KIRREL3: variants seen among roughly 807,000 people sequenced by gnomAD.
KIRREL3 encodes the protein kirre like nephrin family adhesion molecule 3.
Under a neutral mutation model 89.7 loss-of-function variants are expected in KIRREL3, and 36 were observed. The ratio of observed to expected loss-of-function variants is 0.40; its 90% CI spans 0.31 to 0.53. The LOEUF (loss-of-function observed/expected upper bound fraction) is 0.53. Ranked by LOEUF, KIRREL3 falls within the 20% of genes least tolerant of loss-of-function variation. KIRREL3 has a pLI of 0.49. For synonymous variants in KIRREL3, 445 were observed against 441.4 expected (o/e 1.01, Z -0.10); for missense variants, 864 against 1,056.6 (o/e 0.82, Z 2.53).
At position 126,523,495 on chromosome 11, in the gene KIRREL3, C is replaced by T. The variant is rs1250646495; in HGVS notation, c.284-2031G>A. 4.6e-5 allele frequency among the ~76,000 whole-genome samples: 7 copies of T among 152,128 alleles called. No homozygotes were observed. The highest frequency in any genetic ancestry group is 8.8e-5 in the Non-Finnish European group (6 of 68,022). The stretch of plus-strand genomic sequence containing the variant: ...AGACTCATGTCTTCATGGCTACCAT[C>T]CTCATCATGCAATAAAATGGCCCTG... On this transcript the variant is annotated intron_variant, in intron 3 of 16. Transcript: ENST00000525144. The surrounding 1 kb of genome is among the most constrained non-coding windows in gnomAD (Gnocchi z 4.9).
intron 7 of KIRREL3, among the ~76,000 whole-genome samples, chr11:126,450,827 G>T (rs1229431291): frequency 6.6e-6 from 1 of 151,480 alleles, no homozygotes; most frequent in African/African-American, 2.4e-5. Flanking sequence ...GGGCATATGT[G>T]TGTATGCGTG....
intron 10 of KIRREL3, among the ~76,000 whole-genome samples, chr11:126,442,329 CACACA>C (rs1955606953): frequency 1.7e-5 from 2 of 117,436 alleles, no homozygotes; most frequent in Non-Finnish European, 1.8e-5. Context: ...CACACACACA[CACACA>C]CACACACACA....
In KIRREL3 at chr11:126,848,365, G is replaced by A. The variant is rs182882084; in HGVS notation, c.55+152090C>T. Among the ~76,000 whole-genome samples, 586 of 152,316 alleles carry A rather than the reference G, an allele frequency of 3.8e-3. 5 individuals carry two copies. Among genetic ancestry groups the A allele is most frequent in the African/African-American group, 0.013 (523 of 41,568 alleles). The stretch of plus-strand genomic sequence containing the variant: ...TTTAGTGAAAATGGAAAATTGGAGA[G>A]AGAAAAATTATGTTTCAAGAACTAT... On this transcript the variant is annotated intron_variant, in intron 1 of 16. Transcript: ENST00000525144.
At chr11:126,712,362 AGG>A (rs1326301367) in intron 1 of KIRREL3, among the ~76,000 whole-genome samples, 1 of 152,012 alleles carries the variant, frequency 6.6e-6, no homozygotes, top group Non-Finnish European at 1.5e-5. Context: ...TCTCTGAGTG[AGG>A]CAGGGTCTGG....
Position 126,946,050 on chromosome 11 carries a change from C to T in KIRREL3, c.55+54405G>A, listed in dbSNP as rs899295857. Among the ~76,000 whole-genome samples the T allele has an allele frequency of 7.2e-5, 11 of 152,154 alleles. No individual in the cohort carries two copies. The highest frequency in any genetic ancestry group is 2.7e-4 in the African/African-American group (11 of 41,440). On this transcript the variant is annotated intron_variant, in intron 1 of 16. Coordinates refer to ENST00000525144, the MANE Select transcript of KIRREL3 (RefSeq NM_032531.4). The surrounding 1 kb of genome is among the most constrained non-coding windows in gnomAD (Gnocchi z 4.1). ...TCTGAGCCCCTTAAAATCTCAGAGA[C>T]TGAGCTGGGTGTTTTAGAAATTCAG... is the stretch of plus-strand genomic sequence containing the variant.
At chr11:126,512,654 C>A (rs76655437) in intron 4 of KIRREL3, among the ~76,000 whole-genome samples, 1 of 152,132 alleles carries the variant, frequency 6.6e-6, no homozygotes, top group East Asian at 1.9e-4. Flanking sequence ...ACCCGAGGAT[C>A]GAGGTCCTGA....
intron 1 of KIRREL3, among the ~76,000 whole-genome samples, chr11:126,907,768 C>G (rs915587126): frequency 1.3e-5 from 2 of 152,122 alleles, no homozygotes; most frequent in Admixed American, 6.5e-5. Flanking sequence ...CGGGCCCCTG[C>G]TGCCCTGCAA....
rs1408586758 is a variant in KIRREL3, at chr11:126,900,354, C to T, written c.55+100101G>A. On this transcript the variant is annotated intron_variant, in intron 1 of 16. Transcript: ENST00000525144. This position sits in a 1 kb window ranked among gnomAD's most constrained non-coding sequence, Gnocchi z 4.4. ...CTTCCTTGAGTGCAAGCAGTTCCGG[C>T]TTGTGAGAAATTCAGAGAAGTCTAG... 1.3e-5 allele frequency among the ~76,000 whole-genome samples: 2 copies of T among 152,128 alleles called. No homozygotes were observed. The highest frequency in any genetic ancestry group is 2.1e-4 in the South Asian group (1 of 4,824).
At chr11:126,992,159 A>G (rs889456779) in intron 1 of KIRREL3, among the ~76,000 whole-genome samples, 9 of 152,264 alleles carry the variant, frequency 5.9e-5, no homozygotes, top group African/African-American at 2.2e-4. Flanking sequence ...TTGCTGGCAA[A>G]GAGCAAATAG....
Position 126,605,573 on chromosome 11 carries a change from T to C in KIRREL3, c.56-42661A>G, listed in dbSNP as rs895738792. Among the ~76,000 whole-genome samples, 9 of 152,262 alleles carry C rather than the reference T, an allele frequency of 5.9e-5. No homozygotes were observed. Among genetic ancestry groups the C allele is most frequent in the African/African-American group, 2.2e-4 (9 of 41,466 alleles). The stretch of plus-strand genomic sequence containing the variant: ...AAATAGGAGCTCTGCTCACAGCCTG[T>C]GCTGGGCACTTCATTTCCCAGAGAC... On this transcript the variant is annotated intron_variant, in intron 1 of 16. Coordinates refer to ENST00000525144, the MANE Select transcript of KIRREL3 (RefSeq NM_032531.4). The surrounding 1 kb of genome is among the most constrained non-coding windows in gnomAD (Gnocchi z 5.7).
chr11:126,840,604 C>T (rs1367258353), intron 1 of KIRREL3, among the ~76,000 whole-genome samples: 3 of 152,188 alleles, frequency 2.0e-5, no homozygotes, highest in Non-Finnish European at 2.9e-5. Context: ...GTGGGAAATT[C>T]TAGGAACAAA....
chr11:126,975,306 A>G (rs1176958308), intron 1 of KIRREL3, among the ~76,000 whole-genome samples: 1 of 152,068 alleles, frequency 6.6e-6, no homozygotes, highest in Non-Finnish European at 1.5e-5. Flanking sequence ...ACTATTATCC[A>G]TCCTCCATGT....
At position 126,808,145 on chromosome 11, in the gene KIRREL3, C is replaced by A. The variant is rs141376187; in HGVS notation, c.55+192310G>T. Among the ~76,000 whole-genome samples the A allele has an allele frequency of 4.6e-3, 706 of 152,174 alleles. 2 individuals carry two copies. The highest frequency in any genetic ancestry group is 0.016 in the African/African-American group (667 of 41,514). The stretch of plus-strand genomic sequence containing the variant: ...CAGATACTGACCTGGGGTTGAGGAG[C>A]AATTGTATGTAGTTTGGAGAATAGG... On this transcript the variant is annotated intron_variant, in intron 1 of 16. Transcript: ENST00000525144. This position sits in a 1 kb window ranked among gnomAD's most constrained non-coding sequence, Gnocchi z 4.1.
At chr11:126,444,662 G>A (rs531512534) in intron 10 of KIRREL3, among the ~76,000 whole-genome samples, 5 of 152,120 alleles carry the variant, frequency 3.3e-5, no homozygotes, top group East Asian at 1.9e-4. Context: ...GGGTGGACAC[G>A]TTGGCCACCT....
rs997155067 is a variant in KIRREL3, at chr11:126,682,174, G to T, written c.56-119262C>A. The T allele has an allele frequency of 1.7e-5, 5 of 292,166 alleles. No homozygotes were observed. In the Admixed American group the frequency reaches 2.2e-4, roughly 13 times the overall value. 18.1% of individuals were successfully genotyped at this position (292,166 alleles called of 1,614,324 possible). On this transcript the variant is annotated intron_variant, in intron 1 of 16. Transcript: ENST00000525144. The surrounding 1 kb of genome is among the most constrained non-coding windows in gnomAD (Gnocchi z 4.8). ...GCATCACAGAGCTGCTGTGGAGTGT[G>T]TGCACAGATTCTGTGTACTAGGTCT...
intron 1 of KIRREL3, among the ~76,000 whole-genome samples, chr11:126,863,015 G>C (rs1280101175): frequency 6.6e-6 from 1 of 152,176 alleles, no homozygotes; most frequent in Non-Finnish European, 1.5e-5. Context: ...GTTAATTCAA[G>C]GCTTAGGGAG....
chr11:126,726,978 G>A (rs1314461967), intron 1 of KIRREL3, among the ~76,000 whole-genome samples: 3 of 152,122 alleles, frequency 2.0e-5, no homozygotes, highest in South Asian at 2.1e-4. Flanking sequence ...TCTCTGAGCC[G>A]CCTTACCCTC....
chr11:126,768,294 C>A lies in KIRREL3; in HGVS notation c.56-205382G>T, dbSNP rs1216732116. Among the ~76,000 whole-genome samples the A allele has an allele frequency of 6.6e-6, 1 of 152,068 alleles. No individual in the cohort carries two copies. Among genetic ancestry groups the A allele is most frequent in the Non-Finnish European group, 1.5e-5 (1 of 68,024 alleles). The stretch of plus-strand genomic sequence containing the variant: ...TCCATCCATTCATCCATCCATCCAT[C>A]CATCCATCCAATCTGTCCATCTGTC... On this transcript the variant is annotated intron_variant, in intron 1 of 16. Coordinates refer to ENST00000525144, the MANE Select transcript of KIRREL3 (RefSeq NM_032531.4). The surrounding 1 kb of genome is among the most constrained non-coding windows in gnomAD (Gnocchi z 4.5).
Position 126,799,102 on chromosome 11 carries a change from G to A in KIRREL3, c.55+201353C>T, listed in dbSNP as rs568845023. Reference sequence around the variant, plus strand: ...TGTGTGTGCATGCATGTATCTGTGCGTGGATGTGTGTATCTGTGTGTGCGT... The same window carrying A: ...TGTGTGTGCATGCATGTATCTGTGCATGGATGTGTGTATCTGTGTGTGCGT... On this transcript the variant is annotated intron_variant, in intron 1 of 16. Transcript: ENST00000525144. 1.2e-4 allele frequency among the ~76,000 whole-genome samples: 18 copies of A among 148,890 alleles called. No homozygotes were observed. The South Asian group carries it at 3.9e-3, about 32-fold the overall frequency.
Sources: gnomAD v4.1 joint callset for allele counts (sites outside exome capture counted in the v4.1 genomes callset) on GRCh38, gnomAD v4.1.1 for gene constraint, Gnocchi (gnomAD v3.1) non-coding constraint, MANE v1.5 for transcripts, NCBI Gene and HGNC (gene_info 2026-07-23, HGNC 2026-07-21) for gene names.